The following ERBB4 variants were observed in gnomAD, a reference collection of about 807,000 sequenced individuals.
The protein encoded by ERBB4 is receptor tyrosine-protein kinase erbB-4.
Under a neutral mutation model 158.0 loss-of-function variants are expected in ERBB4, and 42 were observed. The ratio of observed to expected loss-of-function variants is 0.27; its 90% confidence interval spans 0.21 to 0.34. The LOEUF (loss-of-function observed/expected upper bound fraction) is 0.34, where lower values mean the gene tolerates loss of function less well. Among genes scored for constraint, ERBB4 ranks in the 10% least tolerant of loss-of-function variants. The pLI is 1.00. For synonymous variants in ERBB4, 583 were observed against 558.7 expected (o/e 1.04, Z -0.61); for missense variants, 1,333 against 1,624.1 (o/e 0.82, Z 3.08).
At chr2:211,412,509 G>T (rs994915373) in intron 25 of ERBB4, among the ~76,000 whole-genome samples, 1 of 152,070 alleles carries the variant, frequency 6.6e-6, no homozygotes, top group Admixed American at 6.5e-5. Context: ...TTCCTGGCAT[G>T]TCTCTCTCAG....
chr2:211,940,363 C>T (rs1429864188), intron 3 of ERBB4, among the ~76,000 whole-genome samples: 1 of 152,102 alleles, frequency 6.6e-6, no homozygotes, highest in Non-Finnish European at 1.5e-5. Context: ...CCAAAGCAAA[C>T]AAGCATGCTT....
chr2:211,862,654 G>T (rs11896997), intron 3 of ERBB4, among the ~76,000 whole-genome samples: 1 of 151,984 alleles, frequency 6.6e-6, no homozygotes, highest in African/African-American at 2.4e-5. Flanking sequence ...ATATAGTAAA[G>T]ATACTTTGCT....
At chr2:211,388,109 G>C (rs1187068532) in intron 25 of ERBB4, 117 bp from the exon 26 acceptor site, 3 of 774,162 alleles carry the variant, frequency 3.9e-6, no homozygotes, top group South Asian at 3.0e-5. Context: ...AGGGGAAAAA[G>C]TGCACAACAG....
In ERBB4 at chr2:211,865,833, CATT is replaced by C. The variant is rs538150626; in HGVS notation, c.422-77677_422-77675del. On this transcript the variant is annotated intron_variant, in intron 3 of 27. Coordinates refer to ENST00000342788, the MANE Select transcript of ERBB4 (RefSeq NM_005235.3). ...TCCAAAATAGATTATGAAATAGACA[CATT>C]ATTTCCAGTACCATTCATATTATAC... 5.1e-3 allele frequency among the ~76,000 whole-genome samples: 774 copies of C among 152,242 alleles called. 3 individuals carry two copies. Among genetic ancestry groups the C allele is most frequent in the Non-Finnish European group, 9.0e-3 (612 of 68,020 alleles).
rs2062611312 is a variant in ERBB4 at position 211,383,406 on chromosome 2, C to T, written c.*209G>A. 5.2e-6 allele frequency: 3 copies of T among 578,948 alleles called. No homozygotes were observed. Among genetic ancestry groups the T allele is most frequent in the South Asian group, 2.0e-5 (1 of 49,496 alleles). 35.9% of individuals were successfully genotyped at this position (578,948 alleles called of 1,614,324 possible). Reference sequence around the variant, plus strand: ...CAACCCATGCAGAGAAATGAAGAAACATTGTGGTTCCTCCTATCTTTCTCT... The same window carrying T: ...CAACCCATGCAGAGAAATGAAGAAATATTGTGGTTCCTCCTATCTTTCTCT... On this transcript the variant is annotated 3_prime_UTR_variant, in exon 28 of 28. Coordinates refer to ENST00000342788, the MANE Select transcript of ERBB4 (RefSeq NM_005235.3).
chr2:211,625,463 T>C (rs550024560), intron 17 of ERBB4, among the ~76,000 whole-genome samples: 2 of 152,296 alleles, frequency 1.3e-5, no homozygotes, highest in African/African-American at 4.8e-5. Flanking sequence ...AAGAACGTAA[T>C]AAAAAATTGC....
chr2:211,783,084 C>T (rs1200067591), intron 4 of ERBB4, among the ~76,000 whole-genome samples: 1 of 152,268 alleles, frequency 6.6e-6, no homozygotes, highest in African/African-American at 2.4e-5. Flanking sequence ...AGGTCCTTCA[C>T]ATCCCTTGTA....
chr2:212,500,366 T>C (rs1485715688), intron 1 of ERBB4, among the ~76,000 whole-genome samples: 1 of 152,168 alleles, frequency 6.6e-6, no homozygotes, highest in East Asian at 1.9e-4. Context: ...AATTGAAAAC[T>C]GGGTAGACAA....
intron 20 of ERBB4, among the ~76,000 whole-genome samples, chr2:211,510,446 T>C (rs1818755): frequency 0.59 from 88,874 of 151,896 alleles, 26,563 homozygotes; most frequent in African/African-American, 0.69. Flanking sequence ...CAAACCTGCA[T>C]GTGTGTCCCC....
chr2:211,681,771 T>G (rs1337325215), intron 12 of ERBB4, among the ~76,000 whole-genome samples: 1 of 152,180 alleles, frequency 6.6e-6, no homozygotes, highest in South Asian at 2.1e-4. Context: ...CTCCCAATTT[T>G]AGCCATGTCT....
chr2:211,415,414 C>A (rs1018636093), intron 25 of ERBB4, among the ~76,000 whole-genome samples: 8 of 152,084 alleles, frequency 5.3e-5, no homozygotes, highest in Non-Finnish European at 8.8e-5. Flanking sequence ...CCACCGCGCC[C>A]GGCCTGAATG....
chr2:212,121,545 C>G (rs1386856368), intron 2 of ERBB4, among the ~76,000 whole-genome samples: 2 of 152,160 alleles, frequency 1.3e-5, no homozygotes, highest in African/African-American at 4.8e-5. Flanking sequence ...CTTGATCTTA[C>G]TCTTTTTAAT....
intron 1 of ERBB4, among the ~76,000 whole-genome samples, chr2:212,138,713 T>C (rs1043957924): frequency 6.6e-5 from 10 of 152,204 alleles, no homozygotes; most frequent in South Asian, 2.1e-4. Context: ...TCTTTTAGTA[T>C]ATATTTAACT....
chr2:211,764,249 GTTA>G (rs2106248436), intron 4 of ERBB4, among the ~76,000 whole-genome samples: 1 of 152,262 alleles, frequency 6.6e-6, no homozygotes, highest in Non-Finnish European at 1.5e-5. Context: ...TGGAAATTGA[GTTA>G]TTATTTATAG....
intron 1 of ERBB4, among the ~76,000 whole-genome samples, chr2:212,175,622 T>C (rs1477031316): frequency 6.7e-5 from 10 of 149,200 alleles, no homozygotes; most frequent in Admixed American, 6.7e-5. Context: ...TTTTTTTTTT[T>C]CTGGTAGGAT....
intron 1 of ERBB4, among the ~76,000 whole-genome samples, chr2:212,438,796 T>A (rs1194512074): frequency 6.6e-6 from 1 of 152,076 alleles, no homozygotes; most frequent in African/African-American, 2.4e-5. Context: ...AGGGATATTG[T>A]CATTAAACCA....
intron 1 of ERBB4, among the ~76,000 whole-genome samples, chr2:212,395,751 C>T (rs1489199262): frequency 6.6e-6 from 1 of 151,464 alleles, no homozygotes; most frequent in African/African-American, 2.4e-5. Flanking sequence ...TCCTGAGTAG[C>T]TGGGACTACA....
rs991189765 is a variant in ERBB4, at chr2:211,775,950, G to T, written c.556+12075C>A. Among the ~76,000 whole-genome samples the T allele has an allele frequency of 2.6e-5, 4 of 152,182 alleles. 1 individual carries two copies. Among genetic ancestry groups the T allele is most frequent in the Non-Finnish European group, 4.4e-5 (3 of 68,034 alleles). The stretch of plus-strand genomic sequence containing the variant: ...GAAGATGGTGATATACAGACCGGGG[G>T]CAAGAGATGGTGAGTTGTATCGGGG... On this transcript the variant is annotated intron_variant, in intron 4 of 27. Coordinates refer to ENST00000342788, the MANE Select transcript of ERBB4 (RefSeq NM_005235.3).
chr2:212,470,717 C>T (rs1220480209), intron 1 of ERBB4, among the ~76,000 whole-genome samples: 1 of 151,968 alleles, frequency 6.6e-6, no homozygotes, highest in Non-Finnish European at 1.5e-5. Context: ...TGTCTTTGCC[C>T]GTTATTAGCT....
Sources: gnomAD v4.1 joint callset for allele counts (sites outside exome capture counted in the v4.1 genomes callset) on GRCh38, gnomAD v4.1.1 for gene constraint, MANE v1.5 for transcripts, NCBI Gene and HGNC (gene_info 2026-07-23, HGNC 2026-07-21) for gene names.